Variants in KCND2 observed in about 807,000 individuals in gnomAD.
KCND2 encodes potassium voltage-gated channel subfamily D member 2.
In KCND2, 16 loss-of-function variants were observed where a neutral mutation model predicts 54.4. That is an observed-to-expected ratio of 0.29 (90% CI 0.20 to 0.45). KCND2 has a LOEUF of 0.45. KCND2 is among the 20% of genes least tolerant of loss of function. KCND2 has a pLI of 1.00. For synonymous variants in KCND2, 317 were observed against 310.7 expected, an observed-to-expected ratio of 1.02 and a Z score of -0.21; for missense variants, 486 against 824.2, an observed-to-expected ratio of 0.59 and a Z score of 5.02.
intron 1 of KCND2, among the ~76,000 whole-genome samples, chr7:120,709,895 A>G (rs1792517176): frequency 6.6e-6 from 1 of 152,162 alleles, no homozygotes; most frequent in African/African-American, 2.4e-5. Flanking sequence ...GTTTCCATGC[A>G]TGGTGTGCAT....
chr7:120,623,577 T>C (rs1793129995), intron 1 of KCND2, among the ~76,000 whole-genome samples: 2 of 152,342 alleles, frequency 1.3e-5, no homozygotes, highest in South Asian at 2.1e-4. Context: ...TTTTCAACAA[T>C]GCTCCTGGTT....
chr7:120,677,528 TAGATATAGATATAGATATAG>T (rs1367352719), intron 1 of KCND2, among the ~76,000 whole-genome samples: 31 of 129,816 alleles, frequency 2.4e-4, no homozygotes, highest in African/African-American at 1.0e-3. Context: ...TATATATATA[TAGATATAGATATAGATATAG>T]ATATATAGAT....
At chr7:120,324,486 A>G (rs1799944109) in intron 1 of KCND2, among the ~76,000 whole-genome samples, 2 of 149,530 alleles carry the variant, frequency 1.3e-5, no homozygotes, top group South Asian at 4.4e-4. Flanking sequence ...ATAAGGTGTA[A>G]GGAAGGGATC....
chr7:120,563,532 C>T (rs1792260830), intron 1 of KCND2, among the ~76,000 whole-genome samples: 1 of 152,122 alleles, frequency 6.6e-6, no homozygotes, highest in Non-Finnish European at 1.5e-5. Flanking sequence ...ATCCATTCCA[C>T]AGACCTAGGG....
Position 120,494,342 on chromosome 7 carries a change from T to A in KCND2, c.1115+218595T>A, listed in dbSNP as rs117615698. Reference sequence around the variant, plus strand: ...TTTATTTCTATATATTGTGACACCATGTTTGAAAGGAAACAATTTAAACAA... The same window carrying A: ...TTTATTTCTATATATTGTGACACCAAGTTTGAAAGGAAACAATTTAAACAA... On this transcript the variant is annotated intron_variant, in intron 1 of 5. Coordinates refer to ENST00000331113, the MANE Select transcript of KCND2 (RefSeq NM_012281.3). Among the ~76,000 whole-genome samples the A allele has an allele frequency of 7.3e-3, 1,112 of 152,228 alleles. 12 individuals carry two copies. Among genetic ancestry groups the A allele is most frequent in the Non-Finnish European group, 0.01 (692 of 67,970 alleles).
chr7:120,444,525 A>C (rs1478504119), intron 1 of KCND2, among the ~76,000 whole-genome samples: 1 of 152,086 alleles, frequency 6.6e-6, no homozygotes, highest in Non-Finnish European at 1.5e-5. Flanking sequence ...ACCCCAGCAG[A>C]GTACACTGGG....
intron 1 of KCND2, among the ~76,000 whole-genome samples, chr7:120,729,599 T>C (rs1792779897): frequency 6.6e-6 from 1 of 152,170 alleles, no homozygotes; most frequent in Non-Finnish European, 1.5e-5. Flanking sequence ...AGCAGAGCCT[T>C]GGAGACCATC....
intron 1 of KCND2, among the ~76,000 whole-genome samples, chr7:120,621,288 A>G (rs57423765): frequency 1.1e-3 from 155 of 135,666 alleles, no homozygotes; most frequent in Non-Finnish European, 1.4e-3. Flanking sequence ...AAAAAAAAAA[A>G]AAAAAAAAAA....
rs185876530 is a variant in KCND2, at chr7:120,399,735, T to C, written c.1115+123988T>C. ...TTATTTATTTATTTATTTATTTATT[T>C]ATTCATTTGAAACAGAATCTCCTTG... is the stretch of plus-strand genomic sequence containing the variant. On this transcript the variant is annotated intron_variant, in intron 1 of 5. Transcript: ENST00000331113. Among the ~76,000 whole-genome samples, 184 of 148,122 alleles carry C rather than the reference T, an allele frequency of 1.2e-3. 1 individual carries two copies. Among genetic ancestry groups the C allele is most frequent in the African/African-American group, 4.0e-3 (162 of 40,220 alleles).
At chr7:120,639,090 G>C (rs1042796346) in intron 1 of KCND2, among the ~76,000 whole-genome samples, 2 of 152,092 alleles carry the variant, frequency 1.3e-5, no homozygotes, top group African/African-American at 4.8e-5. Flanking sequence ...TCAAATGCTA[G>C]TGTGCACACA....
intron 1 of KCND2, among the ~76,000 whole-genome samples, chr7:120,653,713 CAACAGT>C (rs1330014079): frequency 3.9e-5 from 6 of 152,104 alleles, no homozygotes; most frequent in Non-Finnish European, 5.9e-5. Flanking sequence ...ATAAAACAAA[CAACAGT>C]AACACACCTA....
At chr7:120,675,939 C>T (rs1379995473) in intron 1 of KCND2, among the ~76,000 whole-genome samples, 1 of 150,068 alleles carries the variant, frequency 6.7e-6, no homozygotes, top group Admixed American at 6.7e-5. Context: ...CTCACTGCAA[C>T]CTCCGCCTCT....
At chr7:120,498,990 ATAT>A (rs1802892431) in intron 1 of KCND2, among the ~76,000 whole-genome samples, 1 of 152,240 alleles carries the variant, frequency 6.6e-6, no homozygotes, top group East Asian at 1.9e-4. Context: ...ATATATTATA[ATAT>A]TCCGTTCATA....
At chr7:120,322,207 G>T (rs903210313) in intron 1 of KCND2, among the ~76,000 whole-genome samples, 7 of 151,862 alleles carry the variant, frequency 4.6e-5, no homozygotes, top group Non-Finnish European at 1.0e-4. Flanking sequence ...ATCAATGGAG[G>T]AAATAAGATG....
At chr7:120,545,833 A>C (rs1792035758) in intron 1 of KCND2, among the ~76,000 whole-genome samples, 1 of 151,872 alleles carries the variant, frequency 6.6e-6, no homozygotes, top group Non-Finnish European at 1.5e-5. Flanking sequence ...TAAATGAAGA[A>C]TATGGTATAA....
rs1792418555 is a variant in KCND2 at position 120,702,700 on chromosome 7, A to G, written c.1116-30203A>G. Among the ~76,000 whole-genome samples, 2 of 152,190 alleles carry G rather than the reference A, an allele frequency of 1.3e-5. 1 individual carries two copies. Among genetic ancestry groups the G allele is most frequent in the South Asian group, 4.1e-4 (2 of 4,830 alleles). Reference sequence around the variant, plus strand: ...CAAACTAAGGAATTCCAAATACCACATGTTCTCACTTATAAGCAGGAGCTA... The same window carrying G: ...CAAACTAAGGAATTCCAAATACCACGTGTTCTCACTTATAAGCAGGAGCTA... On this transcript the variant is annotated intron_variant, in intron 1 of 5. Coordinates refer to ENST00000331113, the MANE Select transcript of KCND2 (RefSeq NM_012281.3).
intron 1 of KCND2, among the ~76,000 whole-genome samples, chr7:120,627,026 C>T (rs1406195492): frequency 6.6e-6 from 1 of 152,178 alleles, no homozygotes; most frequent in East Asian, 1.9e-4. Context: ...AAGATCCAGT[C>T]CCATTTGTGC....
intron 1 of KCND2, among the ~76,000 whole-genome samples, chr7:120,354,664 T>C (rs989078059): frequency 1.3e-5 from 2 of 152,106 alleles, no homozygotes; most frequent in Non-Finnish European, 2.9e-5. Context: ...GGTGGGAGGA[T>C]CACTTGAGGC....
intron 1 of KCND2, among the ~76,000 whole-genome samples, chr7:120,433,360 G>C (rs1271507295): frequency 6.6e-6 from 1 of 152,130 alleles, no homozygotes; most frequent in Admixed American, 6.5e-5. Context: ...AAATATTAAG[G>C]CTTCTCTGAA....
Sources: allele counts gnomAD v4.1 joint callset (sites outside exome capture counted in the v4.1 genomes callset), GRCh38; gene constraint gnomAD v4.1.1; transcripts MANE v1.5; gene names NCBI Gene and HGNC (gene_info 2026-07-23, HGNC 2026-07-21).